SNTB2: variants seen among roughly 807,000 people sequenced by gnomAD.
SNTB2 encodes syntrophin beta 2.
In SNTB2, 34 loss-of-function variants were observed where a neutral mutation model predicts 46.2. The observed-to-expected ratio is 0.74, with a 90% CI of 0.56 to 0.98. The LOEUF (loss-of-function observed/expected upper bound fraction) is 0.98. SNTB2 is among the 50% of genes least tolerant of loss of function. The pLI, the probability that SNTB2 is intolerant of heterozygous loss-of-function variation, is 0.00. For synonymous variants in SNTB2, 290 were observed against 312.6 expected (o/e 0.93, Z 0.76); for missense variants, 603 against 731.4 (o/e 0.82, Z 2.02).
At chr16:69,196,527 A>G (rs910314806) in intron 1 of SNTB2, among the ~76,000 whole-genome samples, 15 of 151,820 alleles carry the variant, frequency 9.9e-5, no homozygotes, top group African/African-American at 2.9e-4. Flanking sequence ...GACACGCGCT[A>G]CCATGCCCGG....
chr16:69,199,472 G>C (rs1214624149), intron 1 of SNTB2, among the ~76,000 whole-genome samples: 2 of 152,022 alleles, frequency 1.3e-5, no homozygotes, highest in Middle Eastern at 3.4e-3. Flanking sequence ...GCTCACGCCT[G>C]TAGTCCCAGC....
At chr16:69,201,729 G>A (rs1964163028) in intron 1 of SNTB2, among the ~76,000 whole-genome samples, 1 of 152,138 alleles carries the variant, frequency 6.6e-6, no homozygotes, top group South Asian at 2.1e-4. Flanking sequence ...TTCTCAGATT[G>A]TCAGAAAAAA....
chr16:69,191,808 T>G (rs1487114882), intron 1 of SNTB2, among the ~76,000 whole-genome samples: 1 of 151,590 alleles, frequency 6.6e-6, no homozygotes, highest in Non-Finnish European at 1.5e-5. Context: ...GCCCGGCCAA[T>G]TTTTTGTATT....
intron 3 of SNTB2, among the ~76,000 whole-genome samples, chr16:69,260,787 A>G (rs962544845): frequency 1.3e-5 from 2 of 152,238 alleles, no homozygotes; most frequent in Non-Finnish European, 2.9e-5. Context: ...TTCTAGGGGC[A>G]GCAGGCTATA....
chr16:69,249,317 C>T (rs1262095429), intron 2 of SNTB2, among the ~76,000 whole-genome samples: 1 of 152,106 alleles, frequency 6.6e-6, no homozygotes, highest in Non-Finnish European at 1.5e-5. Flanking sequence ...TGAGCCACCG[C>T]TCCCGGCCAT....
Position 69,214,281 on chromosome 16 carries a change from C to T in SNTB2, c.580+26535C>T, listed in dbSNP as rs1032845234. Among the ~76,000 whole-genome samples, 4 of 151,168 alleles carry T rather than the reference C, an allele frequency of 2.6e-5. No individual in the cohort carries two copies. In the Admixed American group the frequency reaches 2.6e-4, roughly 10 times the overall value. On this transcript the variant is annotated intron_variant, in intron 1 of 6. Coordinates refer to ENST00000336278, the MANE Select transcript of SNTB2 (RefSeq NM_006750.4). The stretch of plus-strand genomic sequence containing the variant: ...AAGTAGCTGGGATCACAAGTGTGCA[C>T]CACCACGCCTGGCTAATTTTTTTGT...
At chr16:69,232,498 C>T (rs1211434802) in intron 1 of SNTB2, among the ~76,000 whole-genome samples, 2 of 110,976 alleles carry the variant, frequency 1.8e-5, no homozygotes, top group African/African-American at 6.6e-5. Flanking sequence ...AGCCACGGTG[C>T]GGCCTTTTTT....
intron 4 of SNTB2, among the ~76,000 whole-genome samples, chr16:69,271,404 C>A (rs981740754): frequency 1.3e-5 from 2 of 151,954 alleles, no homozygotes; most frequent in Non-Finnish European, 2.9e-5. Context: ...TTGTAAATTT[C>A]TTAATATTTG....
intron 4 of SNTB2, among the ~76,000 whole-genome samples, chr16:69,272,328 G>A (rs760107047): frequency 1.1e-4 from 16 of 151,912 alleles, no homozygotes; most frequent in Non-Finnish European, 1.8e-4. Flanking sequence ...ATCATCTGAG[G>A]TCAGGAGTTC....
At chr16:69,275,105 C>T (rs918125652) in intron 4 of SNTB2, among the ~76,000 whole-genome samples, 2 of 150,528 alleles carry the variant, frequency 1.3e-5, no homozygotes, top group African/African-American at 4.9e-5. Context: ...AACTCTCACT[C>T]TGTTGTCCAG....
In SNTB2 at chr16:69,253,767, G is replaced by A. The variant is rs1189258580; in HGVS notation, c.795-6283G>A. Among the ~76,000 whole-genome samples the A allele has an allele frequency of 2.0e-5, 3 of 152,134 alleles. No individual in the cohort carries two copies. In the East Asian group the frequency reaches 5.8e-4, roughly 29 times the overall value. On this transcript the variant is annotated intron_variant, in intron 2 of 6. Transcript: ENST00000336278. ...ATCTACTTGTGTTTAATCAGGCTTAGTTTTATTTTATAACAGATTTATTTT... is the reference window on the plus strand; with the variant it reads ...ATCTACTTGTGTTTAATCAGGCTTAATTTTATTTTATAACAGATTTATTTT...
intron 4 of SNTB2, among the ~76,000 whole-genome samples, chr16:69,273,636 G>T (rs1964959571): frequency 6.6e-6 from 1 of 152,106 alleles, no homozygotes; most frequent in African/African-American, 2.4e-5. Flanking sequence ...TGTGGTGATG[G>T]TTGCAAAATT....
rs537845505 is a variant in SNTB2 at position 69,255,985 on chromosome 16, A to T, written c.795-4065A>T. ...GGCGGATCATGAGGTCAGGAGTTCG[A>T]GACCAGCCTGGCCAACATAGTGAAA... is the stretch of plus-strand genomic sequence containing the variant. On this transcript the variant is annotated intron_variant, in intron 2 of 6. Transcript: ENST00000336278. Among the ~76,000 whole-genome samples the T allele has an allele frequency of 1.6e-3, 236 of 152,036 alleles. 1 individual carries two copies. Among genetic ancestry groups the T allele is most frequent in the African/African-American group, 5.5e-3 (228 of 41,466 alleles).
At chr16:69,231,072 C>T (rs1964502242) in intron 1 of SNTB2, 2 of 152,208 alleles carry the variant, frequency 1.3e-5, no homozygotes, top group African/African-American at 4.8e-5. Context: ...AACTGCCTTT[C>T]TCATTGCGGC....
chr16:69,274,095 C>G (rs1432872684), intron 4 of SNTB2, among the ~76,000 whole-genome samples: 1 of 151,950 alleles, frequency 6.6e-6, no homozygotes, highest in African/African-American at 2.4e-5. Context: ...TGGCGGATCA[C>G]GAGGTCAGGA....
chr16:69,239,767 A>G (rs1273800190), intron 1 of SNTB2, among the ~76,000 whole-genome samples: 1 of 151,342 alleles, frequency 6.6e-6, no homozygotes, highest in Non-Finnish European at 1.5e-5. Flanking sequence ...CTGGTCTTGA[A>G]CTCCTAACCT....
intron 1 of SNTB2, among the ~76,000 whole-genome samples, chr16:69,205,392 G>T (rs182741116): frequency 1.9e-3 from 292 of 149,964 alleles, no homozygotes; most frequent in Middle Eastern, 6.9e-3. Context: ...TAGAGACGGG[G>T]TTTCACCACG....
chr16:69,204,818 C>G (rs1964197770), intron 1 of SNTB2, among the ~76,000 whole-genome samples: 1 of 152,216 alleles, frequency 6.6e-6, no homozygotes, highest in Non-Finnish European at 1.5e-5. Flanking sequence ...CCACATCTTT[C>G]TTGGCATCAA....
intron 3 of SNTB2, among the ~76,000 whole-genome samples, chr16:69,266,191 C>A (rs989300121): frequency 2.0e-5 from 3 of 152,020 alleles, no homozygotes; most frequent in Non-Finnish European, 4.4e-5. Context: ...ATGGCTAAAC[C>A]CCATCTCTAC....
Sources: allele counts gnomAD v4.1 joint callset (sites outside exome capture counted in the v4.1 genomes callset), GRCh38; gene constraint gnomAD v4.1.1; transcripts MANE v1.5; gene names NCBI Gene and HGNC (gene_info 2026-07-23, HGNC 2026-07-21).